Variants in NXN observed in about 807,000 individuals in gnomAD.
NXN encodes the protein nucleoredoxin 1.
A neutral mutation model predicts 48.6 loss-of-function variants in NXN; 16 were observed. The observed-to-expected ratio is 0.33, with a 90% CI of 0.22 to 0.50. The LOEUF is 0.50. NXN is among the 20% of genes least tolerant of loss of function. The pLI, the probability that NXN is intolerant of heterozygous loss-of-function variation, is 0.98. For synonymous variants in NXN, 281 were observed against 269.6 expected (o/e 1.04, Z -0.41); for missense variants, 492 against 605.5 (o/e 0.81, Z 1.97).
intron 5 of NXN, among the ~76,000 whole-genome samples, chr17:812,661 T>C (rs1012640100): frequency 4.7e-5 from 7 of 147,620 alleles, no homozygotes; most frequent in South Asian, 4.4e-4. Flanking sequence ...TGTGTGACTG[T>C]AGGTGTGTGT....
chr17:943,808 G>A lies in NXN; in HGVS notation c.360+35511C>T, dbSNP rs12936936. The stretch of plus-strand genomic sequence containing the variant: ...CCACTGCACTCCAGCCTGAGTGACA[G>A]AGTATGACTCCGTCTCTAAAAAAGG... On this transcript the variant is annotated intron_variant, in intron 1 of 7. Transcript: ENST00000336868. Among the ~76,000 whole-genome samples, 5 of 148,922 alleles carry A rather than the reference G, an allele frequency of 3.4e-5. No individual in the cohort carries two copies. The East Asian group carries it at 8.3e-4, about 25-fold the overall frequency.
At chr17:973,762 C>T (rs537902151) in intron 1 of NXN, among the ~76,000 whole-genome samples, 2 of 152,140 alleles carry the variant, frequency 1.3e-5, no homozygotes, top group Non-Finnish European at 2.9e-5. Context: ...TCACTGCCAA[C>T]TCCACCTCTC....
intron 1 of NXN, among the ~76,000 whole-genome samples, chr17:962,302 A>G (rs333634): frequency 0.14 from 20,665 of 152,082 alleles, 4,164 homozygotes; most frequent in African/African-American, 0.44. Context: ...CAGGTTGAAC[A>G]CCTCTTAGGA....
In NXN at chr17:958,299, C is replaced by T. The variant is rs147417243; in HGVS notation, c.360+21020G>A. On this transcript the variant is annotated intron_variant, in intron 1 of 7. Transcript: ENST00000336868. This position sits in a 1 kb window ranked among gnomAD's most constrained non-coding sequence, Gnocchi z 6.9. ...ACGGTGAGCAAGGTTACTCATCTTC[C>T]GAAAATGCTAACGTGCTGACTGGGG... 6.6e-5 allele frequency among the ~76,000 whole-genome samples: 10 copies of T among 152,218 alleles called. No individual in the cohort carries two copies. The highest frequency in any genetic ancestry group is 1.3e-4 in the Non-Finnish European group (9 of 68,014).
chr17:870,564 G>A (rs1259177478), intron 1 of NXN, among the ~76,000 whole-genome samples: 1 of 151,856 alleles, frequency 6.6e-6, no homozygotes, highest in East Asian at 1.9e-4. Context: ...ACAATATACT[G>A]ACACCCTGTC....
chr17:878,564 G>C (rs969867675), intron 1 of NXN, among the ~76,000 whole-genome samples: 6 of 151,942 alleles, frequency 3.9e-5, no homozygotes, highest in Non-Finnish European at 7.4e-5. Flanking sequence ...CAGGGAGTTT[G>C]GGTTGGATCC....
intron 1 of NXN, among the ~76,000 whole-genome samples, chr17:871,632 T>A (rs931441508): frequency 1.3e-5 from 2 of 151,950 alleles, no homozygotes; most frequent in African/African-American, 2.4e-5. Context: ...CTCGAACTCC[T>A]GACCTCAGGT....
chr17:890,691 T>A (rs2068407289), intron 1 of NXN, among the ~76,000 whole-genome samples: 1 of 152,112 alleles, frequency 6.6e-6, no homozygotes, highest in African/African-American at 2.4e-5. Context: ...AAGAGTTTTT[T>A]CAAAATAATA....
chr17:968,343 G>A (rs184992254), intron 1 of NXN, among the ~76,000 whole-genome samples: 8 of 152,158 alleles, frequency 5.3e-5, no homozygotes, highest in East Asian at 1.9e-4. Context: ...AAGAGGGTGC[G>A]GGATCCATTC....
At chr17:819,763 A>G (rs1912717555) in intron 4 of NXN, among the ~76,000 whole-genome samples, 1 of 152,066 alleles carries the variant, frequency 6.6e-6, no homozygotes, top group Non-Finnish European at 1.5e-5. Context: ...GTGCCGGCTA[A>G]GACGCCAGCC....
At chr17:938,609 G>C (rs1231197909) in intron 1 of NXN, among the ~76,000 whole-genome samples, 1 of 152,126 alleles carries the variant, frequency 6.6e-6, no homozygotes, top group African/African-American at 2.4e-5. Context: ...CTTGAACCTG[G>C]GGAGGCGGAG....
rs529102805 is a variant in NXN, at chr17:860,566, G to A, written c.361-34488C>T. Among the ~76,000 whole-genome samples the A allele has an allele frequency of 4.3e-5, 5 of 116,174 alleles. No homozygotes were observed. The South Asian group carries it at 1.6e-3, about 37-fold the overall frequency. The allele number at this position is 116,174 out of a possible 152,430, so 76.2% of individuals were successfully genotyped here. A position where few individuals can be genotyped will look rare whatever the true frequency, so the allele number is the denominator to read the frequency against. On this transcript the variant is annotated intron_variant, in intron 1 of 7. Transcript: ENST00000336868. ...GAGCCACCGCGCCCGGCTAATTTTT[G>A]TATTTTCCATAGAGACAGGGTTTCG...
chr17:915,832 C>A (rs1447046190), intron 1 of NXN, among the ~76,000 whole-genome samples: 8 of 149,872 alleles, frequency 5.3e-5, no homozygotes, highest in African/African-American at 1.8e-4. Context: ...GGTGTCAGAG[C>A]CGAAACTTCC....
chr17:868,846 G>A (rs532416290), intron 1 of NXN, among the ~76,000 whole-genome samples: 9 of 152,312 alleles, frequency 5.9e-5, no homozygotes, highest in Non-Finnish European at 1.3e-4. Context: ...ACCCTGGGCC[G>A]GGCCCACCAT....
intron 1 of NXN, among the ~76,000 whole-genome samples, chr17:867,797 G>A (rs1359454916): frequency 2.0e-5 from 3 of 151,954 alleles, no homozygotes; most frequent in Admixed American, 1.3e-4. Context: ...GTGGTGGCGG[G>A]AGGCTGTAAT....
intron 1 of NXN, among the ~76,000 whole-genome samples, chr17:865,039 C>G (rs891991272): frequency 2.0e-5 from 3 of 152,170 alleles, no homozygotes; most frequent in Non-Finnish European, 4.4e-5. Flanking sequence ...GGAGATGGGA[C>G]TAAACAGATC....
intron 1 of NXN, among the ~76,000 whole-genome samples, chr17:826,545 G>A (rs751387910): frequency 3.9e-5 from 6 of 152,232 alleles, no homozygotes; most frequent in Non-Finnish European, 8.8e-5. Flanking sequence ...AGGAAGGGAA[G>A]GTTTTCACGA....
intron 5 of NXN, among the ~76,000 whole-genome samples, chr17:807,856 G>A (rs187489937): frequency 1.1e-4 from 16 of 152,360 alleles, no homozygotes; most frequent in Middle Eastern, 3.4e-3. Context: ...GGCGGGAAAC[G>A]GAACTGGCTT....
At chr17:846,836 A>G (rs1302694077) in intron 1 of NXN, among the ~76,000 whole-genome samples, 2 of 152,058 alleles carry the variant, frequency 1.3e-5, no homozygotes, top group African/African-American at 4.8e-5. Context: ...CAAAGGCGAG[A>G]AGGGAAAAGG....
Sources: gnomAD v4.1 joint callset for allele counts (sites outside exome capture counted in the v4.1 genomes callset) on GRCh38, gnomAD v4.1.1 for gene constraint, Gnocchi (gnomAD v3.1) non-coding constraint, MANE v1.5 for transcripts, NCBI Gene and HGNC (gene_info 2026-07-23, HGNC 2026-07-21) for gene names.